The following DGKD variants were observed in gnomAD, a reference collection of about 807,000 sequenced individuals.
DGKD encodes the protein DAG kinase delta.
A neutral mutation model predicts 154.4 loss-of-function variants in DGKD; 68 were observed. The observed-to-expected ratio is 0.44, with a 90% CI of 0.36 to 0.54. The LOEUF is 0.54. DGKD is among the 20% of genes least tolerant of loss of function. DGKD has a pLI of 0.00. For synonymous variants in DGKD, 693 were observed against 638.0 expected (o/e 1.09, Z -1.30); for missense variants, 1,343 against 1,593.6 (o/e 0.84, Z 2.68).
At position 233,366,944 on chromosome 2, in the gene DGKD, A is replaced by G. The variant is rs540254408; in HGVS notation, c.156+12270A>G. Among the ~76,000 whole-genome samples, 12 of 152,330 alleles carry G rather than the reference A, an allele frequency of 7.9e-5. No homozygotes were observed. The South Asian group carries it at 2.5e-3, about 32-fold the overall frequency. On this transcript the variant is annotated intron_variant, in intron 1 of 29. Coordinates refer to ENST00000264057, the MANE Select transcript of DGKD (RefSeq NM_152879.3). The stretch of plus-strand genomic sequence containing the variant: ...AAATACCTCAGTGTATGTCTCCACA[A>G]CATGAGGATATTTTCTTATATAACA...
intron 1 of DGKD, among the ~76,000 whole-genome samples, chr2:233,362,009 G>A (rs537793554): frequency 6.6e-6 from 1 of 152,280 alleles, no homozygotes; most frequent in Admixed American, 6.5e-5. Context: ...TGTTAGCTAA[G>A]CTGGTCTCGA....
chr2:233,360,189 T>C (rs374098713), intron 1 of DGKD, among the ~76,000 whole-genome samples: 14 of 152,220 alleles, frequency 9.2e-5, no homozygotes, highest in African/African-American at 3.4e-4. Flanking sequence ...GGATTTGGCA[T>C]CTCTACCAAA....
chr2:233,447,900 C>T lies in DGKD; in HGVS notation c.1420-187C>T, dbSNP rs1274518289. ...GAAGCTTTTAAAATCTCTCACCTAG[C>T]ACTAGGTGAGTCCCAGATTAGCGTT... On this transcript the variant is annotated intron_variant, in intron 12 of 29. Transcript: ENST00000264057. 4.2e-6 allele frequency: 6 copies of T among 1,429,290 alleles called. No homozygotes were observed. The East Asian group carries it at 1.3e-4, about 30-fold the overall frequency. 88.5% of individuals were successfully genotyped at this position (1,429,290 alleles called of 1,614,324 possible). A position where few individuals can be genotyped will look rare whatever the true frequency, so the allele number is the denominator to read the frequency against.
chr2:233,447,760 C>A, intron 12 of DGKD: 1 of 1,112,896 alleles, frequency 9.0e-7, no homozygotes, highest in Non-Finnish European at 1.1e-6. Flanking sequence ...CTGGAGCCGA[C>A]CCGCCAGCAT....
chr2:233,468,878 G>T (rs2063913108), intron 29 of DGKD, among the ~76,000 whole-genome samples: 1 of 152,254 alleles, frequency 6.6e-6, no homozygotes, highest in Non-Finnish European at 1.5e-5. Context: ...TCCCCATGCT[G>T]CTCCTGGGCG....
chr2:233,434,518 C>T (rs777537370), intron 4 of DGKD, 34 bp downstream of exon 4: 109 of 1,586,110 alleles, frequency 6.9e-5, no homozygotes, highest in Non-Finnish European at 8.7e-5. Context: ...CCAAATGCCT[C>T]CTGTTGCCTC....
chr2:233,425,279 C>T (rs192782292), intron 3 of DGKD, among the ~76,000 whole-genome samples: 44 of 152,188 alleles, frequency 2.9e-4, no homozygotes, highest in Middle Eastern at 3.4e-3. Flanking sequence ...TTCCACCTGC[C>T]GGGTTCACGC....
intron 1 of DGKD, among the ~76,000 whole-genome samples, chr2:233,376,285 T>TA (rs1225007991): frequency 1.3e-5 from 2 of 152,176 alleles, no homozygotes; most frequent in Non-Finnish European, 2.9e-5. Context: ...TCCCCAGACA[T>TA]AAAAAATGTT....
chr2:233,455,716 T>C (rs1029723595), intron 19 of DGKD, among the ~76,000 whole-genome samples: 3 of 152,262 alleles, frequency 2.0e-5, no homozygotes, highest in African/African-American at 2.4e-5. Context: ...CGTGGCCCCC[T>C]GTGGCCTCGC....
chr2:233,361,173 C>A (rs1221676899), intron 1 of DGKD, among the ~76,000 whole-genome samples: 1 of 152,148 alleles, frequency 6.6e-6, no homozygotes, highest in African/African-American at 2.4e-5. Context: ...GGGCAACAGT[C>A]CTGGGTGACA....
chr2:233,368,587 A>G (rs1009419624), intron 1 of DGKD, among the ~76,000 whole-genome samples: 20 of 152,160 alleles, frequency 1.3e-4, no homozygotes, highest in South Asian at 4.1e-4. Flanking sequence ...AGGCAGGTCA[A>G]TTGCTGGATT....
Position 233,448,107 on chromosome 2 carries a change from T to C in DGKD, c.1440T>C (p.Tyr480=). ...TGCAGGTACAGCAGATTCTCTTCTA[T>C]GAAGACTCGGTTGCAGCCCACCTTT... The part of the protein sequence containing the change: ...EDSEVQQILF[Y]EDSVAAHLSK... Residue 480 remains tyrosine, a synonymous_variant, in exon 13 of 30, where the codon TAT becomes TAC. Coordinates refer to ENST00000264057, the MANE Select transcript of DGKD (RefSeq NM_152879.3). 1 of 1,614,100 alleles carries C rather than the reference T, an allele frequency of 6.2e-7. No individual in the cohort carries two copies. The highest frequency in any genetic ancestry group is 8.5e-7 in the Non-Finnish European group (1 of 1,180,018).
chr2:233,460,123 C>A, intron 23 of DGKD, 71 bp from the exon 24 acceptor site: 1 of 1,567,380 alleles, frequency 6.4e-7, no homozygotes, highest in African/African-American at 1.4e-5. Context: ...TCGTTGGCAT[C>A]CCCATAGTGT....
In DGKD at chr2:233,457,305, TG is replaced by T. The variant is rs35538077; in HGVS notation, c.2564del (p.Gly855ValfsTer48). On this transcript the variant is annotated frameshift_variant, in exon 21 of 30. Coordinates refer to ENST00000264057, the MANE Select transcript of DGKD (RefSeq NM_152879.3). LOFTEE classifies it high-confidence loss of function. This position sits in a 1 kb window ranked among gnomAD's most constrained non-coding sequence, Gnocchi z 5.5. Reference protein sequence around the residue: ...IPSYAGGTNFWGGTKEDDTFA... With the variant: ...IPSYAGGTNFXGGTKEDDTFA... ...CAGCTATGCCGGAGGAACCAACTTC[TG>T]GGGGGGTACCAAGGAAGATGATGTA... The T allele has an allele frequency of 3.3e-6, 5 of 1,536,126 alleles. No homozygotes were observed. Among genetic ancestry groups the T allele is most frequent in the Admixed American group, 2.0e-5 (1 of 49,696 alleles).
intron 17 of DGKD, among the ~76,000 whole-genome samples, chr2:233,451,526 A>G (rs1012872240): frequency 4.0e-5 from 6 of 151,414 alleles, no homozygotes; most frequent in Non-Finnish European, 8.8e-5. Flanking sequence ...ATTTTGGTGG[A>G]GTGGCTTACA....
At chr2:233,430,693 TTAAG>T (rs1263612074) in intron 3 of DGKD, among the ~76,000 whole-genome samples, 12 of 152,178 alleles carry the variant, frequency 7.9e-5, no homozygotes, top group African/African-American at 2.9e-4. Flanking sequence ...TAAAACAAAA[TTAAG>T]TAAAAGGTTA....
chr2:233,402,843 T>A (rs2061592472), intron 3 of DGKD, among the ~76,000 whole-genome samples: 1 of 152,220 alleles, frequency 6.6e-6, no homozygotes, highest in South Asian at 2.1e-4. Context: ...ATTTGAACTA[T>A]CCTGTATCAC....
At chr2:233,446,634 G>A (rs1481113930) in intron 11 of DGKD, 78 bp from the exon 12 acceptor site, 21 of 1,456,068 alleles carry the variant, frequency 1.4e-5, no homozygotes, top group South Asian at 7.3e-5. Flanking sequence ...GCTGCCAGCC[G>A]TGAAAGCGGA....
chr2:233,439,900 A>G (rs1470039447), intron 9 of DGKD, among the ~76,000 whole-genome samples: 1 of 152,150 alleles, frequency 6.6e-6, no homozygotes. Flanking sequence ...ATTTTAGTTA[A>G]AAAGTGGGGA....
Sources: gnomAD v4.1 joint callset for allele counts (sites outside exome capture counted in the v4.1 genomes callset) on GRCh38, gnomAD v4.1.1 for gene constraint, Gnocchi (gnomAD v3.1) non-coding constraint, MANE v1.5 for transcripts, NCBI Gene and HGNC (gene_info 2026-07-23, HGNC 2026-07-21) for gene names.